ASIC2: variants seen among roughly 807,000 people sequenced by gnomAD.
ASIC2 encodes acid sensing ion channel subunit 2.
In ASIC2, 25 loss-of-function variants were observed where a neutral mutation model predicts 57.3. That is an observed-to-expected ratio of 0.44 (90% CI 0.32 to 0.61). The LOEUF is 0.61. Among genes scored for constraint, ASIC2 ranks in the 20% least tolerant of loss-of-function variants. The pLI, the probability that ASIC2 is intolerant of heterozygous loss-of-function variation, is 0.06. For missense variants in ASIC2, 641 were observed against 738.1 expected (o/e 0.87, Z 1.52); for synonymous variants, 319 against 307.5 (o/e 1.04, Z -0.39).
intron 1 of ASIC2, among the ~76,000 whole-genome samples, chr17:33,408,937 GGCGT>G (rs1228153577): frequency 6.6e-6 from 1 of 152,232 alleles, no homozygotes; most frequent in Non-Finnish European, 1.5e-5. Flanking sequence ...GTCCTGGCTG[GGCGT>G]GATGGCCCAT....
At chr17:33,907,518 T>C (rs1330606146) in intron 1 of ASIC2, among the ~76,000 whole-genome samples, 1 of 152,234 alleles carries the variant, frequency 6.6e-6, no homozygotes, top group African/African-American at 2.4e-5. Flanking sequence ...TTGCTTCCCA[T>C]GTGACCCATT....
chr17:34,087,399 C>T (rs370938365), intron 1 of ASIC2, among the ~76,000 whole-genome samples: 16 of 152,074 alleles, frequency 1.1e-4, no homozygotes, highest in East Asian at 5.8e-4. Context: ...GAGTTTCTGC[C>T]GAGAGATCAG....
chr17:33,799,377 C>CTTT (rs1567718840), intron 1 of ASIC2, among the ~76,000 whole-genome samples: 1 of 40,914 alleles, frequency 2.4e-5, no homozygotes, highest in African/African-American at 6.3e-5. Flanking sequence ...TTTCTTTCTT[C>CTTT]CTTTCTTTCT....
At chr17:33,820,902 G>A (rs1912725703) in intron 1 of ASIC2, among the ~76,000 whole-genome samples, 2 of 152,098 alleles carry the variant, frequency 1.3e-5, no homozygotes, top group African/African-American at 4.8e-5. Flanking sequence ...TTACGTATAA[G>A]GCTTGCGTTA....
chr17:34,085,300 T>C (rs1910067196), intron 1 of ASIC2, among the ~76,000 whole-genome samples: 1 of 152,228 alleles, frequency 6.6e-6, no homozygotes, highest in African/African-American at 2.4e-5. Context: ...GATAATCATG[T>C]GGTTTTTGTC....
chr17:33,806,272 A>C (rs1912265817), intron 1 of ASIC2, among the ~76,000 whole-genome samples: 1 of 152,272 alleles, frequency 6.6e-6, no homozygotes, highest in African/African-American at 2.4e-5. Flanking sequence ...TACCCAAACC[A>C]ATAAATGTGG....
chr17:33,597,924 A>G (rs1240601691), intron 1 of ASIC2, among the ~76,000 whole-genome samples: 1 of 152,180 alleles, frequency 6.6e-6, no homozygotes, highest in African/African-American at 2.4e-5. Context: ...AAAATTCAAT[A>G]CGTGCAGAAT....
chr17:33,471,124 T>TC (rs1482792320), intron 1 of ASIC2, among the ~76,000 whole-genome samples: 3 of 152,198 alleles, frequency 2.0e-5, no homozygotes, highest in Admixed American at 1.3e-4. Flanking sequence ...TGTGGATAGA[T>TC]TCAGACAATG....
chr17:33,784,872 CT>C (rs1326841650), intron 1 of ASIC2, among the ~76,000 whole-genome samples: 2 of 152,080 alleles, frequency 1.3e-5, no homozygotes, highest in Non-Finnish European at 2.9e-5. Context: ...TATGACATGC[CT>C]TTTGGGGAAC....
intron 3 of ASIC2, among the ~76,000 whole-genome samples, chr17:33,076,361 C>T (rs1275226335): frequency 2.0e-5 from 3 of 152,240 alleles, no homozygotes; most frequent in Non-Finnish European, 4.4e-5. Flanking sequence ...ACCCCTCCTC[C>T]TTTATGTGAG....
At chr17:33,107,973 T>A (rs1007591966) in intron 2 of ASIC2, among the ~76,000 whole-genome samples, 2 of 152,188 alleles carry the variant, frequency 1.3e-5, no homozygotes, top group South Asian at 4.1e-4. Context: ...TTTGGAATAA[T>A]CTCTGCTTCT....
chr17:33,511,941 C>A (rs1264978670), intron 1 of ASIC2, among the ~76,000 whole-genome samples: 1 of 152,152 alleles, frequency 6.6e-6, no homozygotes, highest in Admixed American at 6.5e-5. Flanking sequence ...TAATGCAAAC[C>A]ACAGAGGTCA....
At chr17:33,615,128 A>G (rs776089779) in intron 1 of ASIC2, among the ~76,000 whole-genome samples, 5 of 152,226 alleles carry the variant, frequency 3.3e-5, no homozygotes, top group African/African-American at 9.6e-5. Flanking sequence ...AACTTTTTCC[A>G]TCACAAATAA....
intron 1 of ASIC2, among the ~76,000 whole-genome samples, chr17:33,466,937 A>G (rs1297859498): frequency 6.6e-6 from 1 of 152,232 alleles, no homozygotes; most frequent in Admixed American, 6.5e-5. Flanking sequence ...GGCATGGGCA[A>G]GGACTTCATG....
At chr17:33,836,902 T>A (rs1913291161) in intron 1 of ASIC2, among the ~76,000 whole-genome samples, 1 of 152,142 alleles carries the variant, frequency 6.6e-6, no homozygotes, top group Non-Finnish European at 1.5e-5. Flanking sequence ...ACAAAAAAGA[T>A]GAAATTTGAA....
chr17:33,355,367 T>A (rs551340854), intron 1 of ASIC2, among the ~76,000 whole-genome samples: 6 of 152,130 alleles, frequency 3.9e-5, no homozygotes, highest in Non-Finnish European at 7.4e-5. Flanking sequence ...TGTACAGGAA[T>A]GTGAGAATGT....
chr17:33,977,168 G>A lies in ASIC2; in HGVS notation c.555+178810C>T, dbSNP rs368784580. ...ATTCCCTACACCGAGAAGAGGGCTCGTCAATTCCACCGGGGGCATTTCCTA... is the reference window on the plus strand; with the variant it reads ...ATTCCCTACACCGAGAAGAGGGCTCATCAATTCCACCGGGGGCATTTCCTA... On this transcript the variant is annotated intron_variant, in intron 1 of 9. Coordinates refer to the ASIC2 transcript ENST00000359872. Among the ~76,000 whole-genome samples, 17 of 152,092 alleles carry A rather than the reference G, an allele frequency of 1.1e-4. No homozygotes were observed. In the South Asian group the frequency reaches 1.9e-3, roughly 17 times the overall value.
chr17:33,979,712 T>C (rs1439778078), intron 1 of ASIC2, among the ~76,000 whole-genome samples: 1 of 152,160 alleles, frequency 6.6e-6, no homozygotes, highest in Non-Finnish European at 1.5e-5. Flanking sequence ...ATTGTGAAAG[T>C]ACAAATTCAG....
chr17:33,857,061 G>T (rs557144305), intron 1 of ASIC2, among the ~76,000 whole-genome samples: 1 of 152,264 alleles, frequency 6.6e-6, no homozygotes, highest in South Asian at 2.1e-4. Context: ...GGGGATTAAG[G>T]AGGGTGTGCA....
Sources: gnomAD v4.1 joint callset for allele counts (sites outside exome capture counted in the v4.1 genomes callset) on GRCh38, gnomAD v4.1.1 for gene constraint, MANE v1.5 for transcripts, NCBI Gene and HGNC (gene_info 2026-07-23, HGNC 2026-07-21) for gene names.